FAM168A: variants seen among roughly 807,000 people sequenced by gnomAD.
FAM168A encodes the protein protein FAM168A.
Under a neutral mutation model 28.5 loss-of-function variants are expected in FAM168A, and 3 were observed. That is an observed-to-expected ratio of 0.11 (90% CI 0.05 to 0.27). The LOEUF is 0.27. Ranked by LOEUF, FAM168A falls within the 10% of genes least tolerant of loss-of-function variation. The pLI is 1.00. For synonymous variants in FAM168A, 122 were observed against 124.2 expected (o/e 0.98, Z 0.12); for missense variants, 222 against 311.5 (o/e 0.71, Z 2.16).
intron 1 of FAM168A, among the ~76,000 whole-genome samples, chr11:73,591,143 CA>C (rs1046210318): frequency 2.7e-4 from 37 of 138,338 alleles, no homozygotes; most frequent in South Asian, 1.8e-3. Flanking sequence ...GACTCTGTCT[CA>C]AAAAAAAAAA....
intron 6 of FAM168A, 121 bp downstream of exon 6, chr11:73,409,366 C>T (rs568243487): frequency 7.6e-7 from 1 of 1,323,816 alleles, no homozygotes; most frequent in Admixed American, 2.5e-5. Context: ...CTCTGGGTTC[C>T]CAAGCCCCCT....
rs1297715769 is a variant in FAM168A at position 73,409,537 on chromosome 11, T to C, written c.545A>G (p.Asn182Ser). ...YPAPVAAPRT[N>S]GVAMGMVAGT... ...TGCCACCATGCCCATGGCCACACCG[T>C]TGGTCCTCGGGGCGGCAACAGGTGC... The change falls in exon 6 of 8, where the codon AAC becomes AGC. Residue 182 changes from asparagine to serine, a missense_variant. Transcript: ENST00000356467. The C allele has an allele frequency of 1.2e-6, 2 of 1,613,934 alleles. No homozygotes were observed. The highest frequency in any genetic ancestry group is 1.7e-6 in the Non-Finnish European group (2 of 1,179,970).
rs78416856 is a variant in FAM168A, at chr11:73,470,428, A to G, written c.-18-1936T>C. ...AGTGGTTTGAATGTTTCCCCCCAGA[A>G]AGCACGTGCTGGAAGCTTAATAACC... On this transcript the variant is annotated intron_variant, in intron 1 of 7. Coordinates refer to ENST00000356467, the MANE Select transcript of FAM168A (RefSeq NM_015159.3). Among the ~76,000 whole-genome samples, 46 of 152,224 alleles carry G rather than the reference A, an allele frequency of 3.0e-4. No individual in the cohort carries two copies. The East Asian group carries it at 8.9e-3, about 29-fold the overall frequency.
intron 2 of FAM168A, among the ~76,000 whole-genome samples, 173 bp downstream of exon 2, chr11:73,468,232 C>G (rs1001052394): frequency 6.6e-5 from 10 of 152,322 alleles, no homozygotes; most frequent in Admixed American, 5.9e-4. Context: ...AGTTGGGAAA[C>G]AACCACACAA....
chr11:73,504,686 A>C (rs539641050), intron 1 of FAM168A, among the ~76,000 whole-genome samples: 1 of 152,202 alleles, frequency 6.6e-6, no homozygotes, highest in Non-Finnish European at 1.5e-5. Context: ...TCATTCTACT[A>C]TAAAGACACA....
intron 1 of FAM168A, among the ~76,000 whole-genome samples, chr11:73,521,533 C>T (rs1943377098): frequency 6.6e-6 from 1 of 152,058 alleles, no homozygotes; most frequent in Non-Finnish European, 1.5e-5. Context: ...AACTTTTGCT[C>T]TGGTGGAGAT....
intron 1 of FAM168A, among the ~76,000 whole-genome samples, chr11:73,481,416 T>A (rs1565264408): frequency 2.0e-5 from 3 of 152,200 alleles, no homozygotes; most frequent in African/African-American, 7.2e-5. Flanking sequence ...CACAACCACA[T>A]CACACAATGG....
chr11:73,422,890 G>C (rs1164673745), intron 3 of FAM168A, among the ~76,000 whole-genome samples: 2 of 152,144 alleles, frequency 1.3e-5, no homozygotes, highest in Non-Finnish European at 2.9e-5. Flanking sequence ...CCCTGGATAC[G>C]GGGCCCTCAC....
chr11:73,450,395 C>T (rs1348042020), intron 2 of FAM168A, among the ~76,000 whole-genome samples: 2 of 152,182 alleles, frequency 1.3e-5, no homozygotes, highest in Non-Finnish European at 2.9e-5. Flanking sequence ...TGCTGGGAAC[C>T]ACCTCTAGGG....
At chr11:73,551,548 CA>C (rs1215889987) in intron 1 of FAM168A, among the ~76,000 whole-genome samples, 6 of 152,184 alleles carry the variant, frequency 3.9e-5, no homozygotes. Flanking sequence ...ATTCAATAGC[CA>C]TTCCGGATTT....
At chr11:73,417,635 C>A (rs1409186409) in intron 4 of FAM168A, among the ~76,000 whole-genome samples, 1 of 149,756 alleles carries the variant, frequency 6.7e-6, no homozygotes, top group African/African-American at 2.5e-5. Flanking sequence ...TCTCGGCTCA[C>A]TGCCAGCTCC....
At chr11:73,564,708 A>C (rs2134710771) in intron 1 of FAM168A, among the ~76,000 whole-genome samples, 1 of 142,708 alleles carries the variant, frequency 7.0e-6, no homozygotes, top group East Asian at 2.0e-4. Flanking sequence ...GCGCAACTGC[A>C]CTCCAGCCTG....
At chr11:73,505,959 A>T (rs975809544) in intron 1 of FAM168A, among the ~76,000 whole-genome samples, 1 of 152,148 alleles carries the variant, frequency 6.6e-6, no homozygotes, top group Non-Finnish European at 1.5e-5. Flanking sequence ...AGATTTATAA[A>T]TTCAATATGA....
intron 1 of FAM168A, among the ~76,000 whole-genome samples, chr11:73,481,092 T>C (rs1197226227): frequency 6.6e-6 from 1 of 152,180 alleles, no homozygotes; most frequent in East Asian, 1.9e-4. Flanking sequence ...TAATTCTTCT[T>C]CTTCTTTGAA....
In FAM168A at chr11:73,557,330, T is replaced by G. The variant is rs906451587; in HGVS notation, c.-19+40593A>C. Among the ~76,000 whole-genome samples, 10 of 151,950 alleles carry G rather than the reference T, an allele frequency of 6.6e-5. 1 individual carries two copies. Among genetic ancestry groups the G allele is most frequent in the Admixed American group, 3.9e-4 (6 of 15,264 alleles). On this transcript the variant is annotated intron_variant, in intron 1 of 7. Transcript: ENST00000356467. ...AAGTTGAATGGTGGTTGCCAGGAGCTGGGGTAGGGGAGAAATGAGAGTTAC... is the reference window on the plus strand; with the variant it reads ...AAGTTGAATGGTGGTTGCCAGGAGCGGGGGTAGGGGAGAAATGAGAGTTAC...
chr11:73,550,037 C>G (rs1943807161), intron 1 of FAM168A, among the ~76,000 whole-genome samples: 2 of 152,194 alleles, frequency 1.3e-5, no homozygotes, highest in African/African-American at 4.8e-5. Flanking sequence ...ATTTATCATA[C>G]TTTTTATCAT....
intron 1 of FAM168A, among the ~76,000 whole-genome samples, chr11:73,568,030 T>C: frequency 6.6e-6 from 1 of 152,214 alleles, no homozygotes. Context: ...TTCAAGCTTG[T>C]AAAATCTGTA....
chr11:73,438,118 G>GTCA (rs923933671), intron 2 of FAM168A, among the ~76,000 whole-genome samples: 10 of 151,840 alleles, frequency 6.6e-5, no homozygotes, highest in Non-Finnish European at 8.8e-5. Context: ...CATCATCATC[G>GTCA]TCATCATCAT....
chr11:73,462,388 A>C (rs1227153259), intron 2 of FAM168A, among the ~76,000 whole-genome samples: 2 of 152,212 alleles, frequency 1.3e-5, no homozygotes, highest in Non-Finnish European at 2.9e-5. Context: ...GAGCATCTAG[A>C]CTAGTCAAAT....
Sources: allele counts gnomAD v4.1 joint callset (sites outside exome capture counted in the v4.1 genomes callset), GRCh38; gene constraint gnomAD v4.1.1; transcripts MANE v1.5; gene names NCBI Gene and HGNC (gene_info 2026-07-23, HGNC 2026-07-21).